The following FAM13A variants were observed in gnomAD, a reference collection of about 807,000 sequenced individuals.
The protein encoded by FAM13A is family with sequence similarity 13 member A, also known as protein FAM13A.
FAM13A carries 76 observed loss-of-function variants against 129.6 expected under a neutral mutation model. The ratio of observed to expected loss-of-function variants is 0.59; its 90% CI spans 0.49 to 0.71. The LOEUF is 0.71. Among genes scored for constraint, FAM13A ranks in the 30% least tolerant of loss-of-function variants. FAM13A has a pLI of 0.00. For synonymous variants in FAM13A, 443 were observed against 449.9 expected, an observed-to-expected ratio of 0.98 and a Z score of 0.20; for missense variants, 1,108 against 1,249.3, an observed-to-expected ratio of 0.89 and a Z score of 1.70.
chr4:89,050,745 T>C lies in FAM13A; in HGVS notation c.27+6193A>G, dbSNP rs541617287. On this transcript the variant is annotated intron_variant, in intron 1 of 23. Coordinates refer to ENST00000264344, the MANE Select transcript of FAM13A (RefSeq NM_014883.4). ...GAGTTCAAGACTAGCCTGGCCAACATGGTGAAACCCTGTCTCTACTAAAAA... is the reference window on the plus strand; with the variant it reads ...GAGTTCAAGACTAGCCTGGCCAACACGGTGAAACCCTGTCTCTACTAAAAA... Among the ~76,000 whole-genome samples, 12 of 151,812 alleles carry C rather than the reference T, an allele frequency of 7.9e-5. No individual in the cohort carries two copies. In the East Asian group the frequency reaches 2.2e-3, roughly 27 times the overall value.
chr4:88,783,941 T>C (rs1018647032), intron 10 of FAM13A, among the ~76,000 whole-genome samples: 3 of 152,090 alleles, frequency 2.0e-5, no homozygotes, highest in Admixed American at 6.6e-5. Flanking sequence ...TGTCAGAAGA[T>C]AAATTTTTGT....
At chr4:88,991,454 A>T (rs1423072202) in intron 3 of FAM13A, among the ~76,000 whole-genome samples, 1 of 152,092 alleles carries the variant, frequency 6.6e-6, no homozygotes, top group East Asian at 1.9e-4. Context: ...AAAAATAATA[A>T]TAATAATAAA....
At position 88,938,165 on chromosome 4, in the gene FAM13A, T is replaced by G; in HGVS notation, c.682A>C (p.Asn228His). The change falls in exon 5 of 24, where the codon AAT (asparagine) becomes CAT (histidine). Residue 228 changes from asparagine (N) to histidine (H), a missense_variant. By Grantham distance (68) the Asn-to-His change is moderately conservative. Coordinates refer to ENST00000264344, the MANE Select transcript of FAM13A (RefSeq NM_014883.4). ...GTATACTCTACTTCAAACAGGGTATTGTAATTTTCTAGAATTTTAGCCATT... is the reference window on the plus strand; with the variant it reads ...GTATACTCTACTTCAAACAGGGTATGGTAATTTTCTAGAATTTTAGCCATT... ...KIMAKILENY[N>H]TLFEVEYTEN... 6.2e-7 allele frequency: 1 copy of G among 1,613,284 alleles called. No homozygotes were observed. Among genetic ancestry groups the G allele is most frequent in the Non-Finnish European group, 8.5e-7 (1 of 1,179,280 alleles).
chr4:88,749,606 A>G (rs1742118369), intron 16 of FAM13A, among the ~76,000 whole-genome samples, 165 bp downstream of exon 16: 1 of 152,044 alleles, frequency 6.6e-6, no homozygotes, highest in Admixed American at 6.5e-5. Flanking sequence ...GCTGATACAT[A>G]ATGACTGGGG....
In FAM13A at chr4:89,038,907, A is replaced by G. The variant is rs180739836; in HGVS notation, c.28-9258T>C. ...AGATTACCTCACAGATTATATACTCATTGCAAAGAAAAAATTCACTATTGC... is the reference window on the plus strand; with the variant it reads ...AGATTACCTCACAGATTATATACTCGTTGCAAAGAAAAAATTCACTATTGC... On this transcript the variant is annotated intron_variant, in intron 1 of 23. Coordinates refer to ENST00000264344, the MANE Select transcript of FAM13A (RefSeq NM_014883.4). Among the ~76,000 whole-genome samples, 214 of 152,290 alleles carry G rather than the reference A, an allele frequency of 1.4e-3. 2 individuals carry two copies. The highest frequency in any genetic ancestry group is 3.1e-3 in the Admixed American group (48 of 15,298).
chr4:88,760,127 T>C (rs74616582), intron 13 of FAM13A, among the ~76,000 whole-genome samples: 62 of 152,388 alleles, frequency 4.1e-4, no homozygotes, highest in African/African-American at 1.2e-3. Context: ...CTGAAAGCAC[T>C]ACTTAAGACT....
chr4:88,813,284 G>C (rs1730031083), intron 7 of FAM13A, among the ~76,000 whole-genome samples: 1 of 152,064 alleles, frequency 6.6e-6, no homozygotes, highest in East Asian at 1.9e-4. Flanking sequence ...TTGGGCAGCT[G>C]GAAGCTTTCA....
intron 4 of FAM13A, among the ~76,000 whole-genome samples, chr4:88,988,187 A>C (rs1762510360): frequency 6.6e-6 from 1 of 152,192 alleles, no homozygotes; most frequent in South Asian, 2.1e-4. Context: ...TGAAAAAAAA[A>C]GTTGTGGTTA....
chr4:89,015,094 G>C (rs1287200751), intron 3 of FAM13A, among the ~76,000 whole-genome samples: 3 of 152,154 alleles, frequency 2.0e-5, no homozygotes, highest in African/African-American at 4.8e-5. Context: ...GATGAAATAA[G>C]CCCTGGTCTC....
chr4:88,769,957 TTTA>T (rs911833423), intron 11 of FAM13A, among the ~76,000 whole-genome samples: 1 of 152,172 alleles, frequency 6.6e-6, no homozygotes, highest in African/African-American at 2.4e-5. Flanking sequence ...AGGGAAATAT[TTTA>T]TTGTTATTTG....
intron 4 of FAM13A, among the ~76,000 whole-genome samples, chr4:88,964,160 A>G (rs1284525818): frequency 6.6e-6 from 1 of 152,224 alleles, no homozygotes; most frequent in African/African-American, 2.4e-5. Context: ...TACGGCTGAG[A>G]ATAATGAGAA....
intron 6 of FAM13A, among the ~76,000 whole-genome samples, chr4:88,871,558 C>G (rs912587120): frequency 2.6e-5 from 4 of 151,928 alleles, no homozygotes; most frequent in Admixed American, 6.6e-5. Context: ...GATGGAAGAT[C>G]AAATGAATGA....
At chr4:89,013,181 A>G (rs1434101588) in intron 3 of FAM13A, among the ~76,000 whole-genome samples, 1 of 149,252 alleles carries the variant, frequency 6.7e-6, no homozygotes, top group Admixed American at 6.6e-5. Context: ...TACCTCACAC[A>G]GGATAAACCA....
chr4:88,768,040 G>C lies in FAM13A; in HGVS notation c.1478C>G (p.Ser493Cys). 6.2e-7 allele frequency: 1 copy of C among 1,605,804 alleles called. No homozygotes were observed. The highest frequency in any genetic ancestry group is 8.5e-7 in the Non-Finnish European group (1 of 1,172,976). Residue 493 changes from serine to cysteine, a missense_variant, in exon 12 of 24, where the codon TCC becomes TGC. By Grantham distance (112) the Ser-to-Cys change is moderately radical (BLOSUM62 -1). Around this residue, in one of 3 missense-constraint regions of FAM13A, gnomAD observed 566 missense variants for 595.7 expected, o/e 0.95. Coordinates refer to ENST00000264344, the MANE Select transcript of FAM13A (RefSeq NM_014883.4). The part of the protein sequence containing the change: ...DGLVNMESLN[S>C]TRSHERTGPD... ...TCCAGTTCTCTCATGAGATCGTGTG[G>C]AATTGAGACTTTCCATATTCTGTAA...
At chr4:88,814,196 A>G (rs1308511310) in intron 7 of FAM13A, among the ~76,000 whole-genome samples, 1 of 152,210 alleles carries the variant, frequency 6.6e-6, no homozygotes, top group Non-Finnish European at 1.5e-5. Flanking sequence ...GCTGAAGGCC[A>G]TAGAGGCAGT....
chr4:88,979,872 G>T (rs796469636), intron 4 of FAM13A, among the ~76,000 whole-genome samples: 1 of 152,182 alleles, frequency 6.6e-6, no homozygotes, highest in Admixed American at 6.5e-5. Context: ...TTGGGAGGCT[G>T]AGGCAGAAGA....
At chr4:88,780,496 T>C (rs970927393) in intron 11 of FAM13A, among the ~76,000 whole-genome samples, 4 of 152,150 alleles carry the variant, frequency 2.6e-5, no homozygotes, top group African/African-American at 7.2e-5. Flanking sequence ...TTGTGGCTTA[T>C]TTTTCAGAGA....
chr4:88,844,697 G>A (rs149379245), intron 7 of FAM13A, among the ~76,000 whole-genome samples: 8 of 152,216 alleles, frequency 5.3e-5, no homozygotes, highest in East Asian at 1.9e-4. Flanking sequence ...CAGGGCAAGC[G>A]GTTCCTTGTA....
rs1287385852 is a variant in FAM13A, at chr4:88,990,992, A to G, written c.586T>C (p.Phe196Leu). 2 of 1,614,134 alleles carry G rather than the reference A, an allele frequency of 1.2e-6. No homozygotes were observed. Among genetic ancestry groups the G allele is most frequent in the Non-Finnish European group, 1.7e-6 (2 of 1,180,012 alleles). ...RMNVHNLATV[F>L]GPNCFHVPPG... is the part of the protein sequence containing the mutation. ...ACTTACTGAAAGCAATTTGGCCCAA[A>G]TACAGTGGCGAGATTGTGAACATTC... Residue 196 changes from phenylalanine to leucine, a missense_variant, in exon 4 of 24, where the codon TTT becomes CTT. Physicochemically the swap from Phe to Leu is conservative, Grantham distance 22. Coordinates refer to ENST00000264344, the MANE Select transcript of FAM13A (RefSeq NM_014883.4).
Sources: allele counts gnomAD v4.1 joint callset (sites outside exome capture counted in the v4.1 genomes callset), GRCh38; gene constraint gnomAD v4.1.1; regional missense constraint gnomAD v4.1.1; transcripts MANE v1.5; gene names NCBI Gene and HGNC (gene_info 2026-07-23, HGNC 2026-07-21).